The following LINGO1 variants were observed in gnomAD, a reference collection of about 807,000 sequenced individuals.
LINGO1 encodes the protein leucine rich repeat and Ig domain containing 1, also known as leucine-rich repeat and immunoglobulin-like domain-containing nogo receptor-interacting protein 1.
LINGO1 carries 11 observed loss-of-function variants against 37.3 expected under a neutral mutation model. The observed-to-expected ratio is 0.29, with a 90% CI of 0.19 to 0.49. The LOEUF (loss-of-function observed/expected upper bound fraction) is 0.49, where lower values mean the gene tolerates loss of function less well. Among genes scored for constraint, LINGO1 ranks in the 20% least tolerant of loss-of-function variants. LINGO1 has a pLI of 0.99. For missense variants in LINGO1, 585 were observed against 878.2 expected (o/e 0.67, Z 4.22); for synonymous variants, 387 against 403.0 (o/e 0.96, Z 0.48).
chr15:77,623,830 CTGTG>C (rs546359026), intron 1 of LINGO1, among the ~76,000 whole-genome samples: 3 of 150,114 alleles, frequency 2.0e-5, no homozygotes, highest in African/African-American at 4.9e-5. Flanking sequence ...CCCGGGGTGT[CTGTG>C]TGTGTGTGTG....
Position 77,670,984 on chromosome 15 carries a change from G to C in LINGO1, c.-13+6105C>G, listed in dbSNP as rs574680784. 4.6e-5 allele frequency among the ~76,000 whole-genome samples: 7 copies of C among 152,288 alleles called. No homozygotes were observed. The South Asian group carries it at 1.2e-3, about 27-fold the overall frequency. ...GCTCACACAGCCTTTGCTCACATAGGGCCCGCTTCCTGGAAGGCTTTCTCA... is the reference window on the plus strand; with the variant it reads ...GCTCACACAGCCTTTGCTCACATAGCGCCCGCTTCCTGGAAGGCTTTCTCA... On this transcript the variant is annotated intron_variant, in intron 3 of 3. Coordinates refer to the LINGO1 transcript ENST00000559893.
intron 2 of LINGO1, among the ~76,000 whole-genome samples, chr15:77,734,715 G>A (rs2076186550): frequency 6.6e-6 from 1 of 151,968 alleles, no homozygotes; most frequent in Admixed American, 6.6e-5. Context: ...GGCCCCAGCG[G>A]TTGCTCTCCA....
chr15:77,646,329 G>A (rs1359832525), intron 3 of LINGO1: 1 of 381,830 alleles, frequency 2.6e-6, no homozygotes, highest in South Asian at 2.0e-5. Flanking sequence ...CTACATGGAG[G>A]CGCCTCCCCA....
chr15:77,664,014 G>A (rs758364135), intron 3 of LINGO1, among the ~76,000 whole-genome samples: 6 of 152,132 alleles, frequency 3.9e-5, no homozygotes, highest in East Asian at 1.9e-4. Context: ...TTCGGACCTC[G>A]GCTGAGCGTG....
intron 2 of LINGO1, among the ~76,000 whole-genome samples, chr15:77,732,488 T>G (rs1276252964): frequency 1.3e-5 from 2 of 152,196 alleles, no homozygotes; most frequent in Non-Finnish European, 2.9e-5. Flanking sequence ...GCTGGTAAAC[T>G]CTGGTGGTGA....
intron 1 of LINGO1, among the ~76,000 whole-genome samples, chr15:77,784,358 G>C (rs1021115843): frequency 6.6e-6 from 1 of 152,254 alleles, no homozygotes; most frequent in Non-Finnish European, 1.5e-5. Flanking sequence ...AGGTTGGAAG[G>C]TTGTCACTGA....
At chr15:77,752,459 C>T (rs1335475871) in intron 1 of LINGO1, among the ~76,000 whole-genome samples, 1 of 152,216 alleles carries the variant, frequency 6.6e-6, no homozygotes, top group African/African-American at 2.4e-5. Flanking sequence ...AATCGATGGG[C>T]AGCAAGAGGC....
At chr15:77,788,489 C>G (rs1020742316), upstream of LINGO1, 2 of 152,172 alleles carry the variant, frequency 1.3e-5, no homozygotes, top group Non-Finnish European at 2.9e-5. Flanking sequence ...GACTGAGTCC[C>G]GGGAGTCTGG....
chr15:77,763,322 G>A (rs1471661388), intron 1 of LINGO1, among the ~76,000 whole-genome samples: 8 of 152,166 alleles, frequency 5.3e-5, no homozygotes, highest in Non-Finnish European at 1.2e-4. Flanking sequence ...TGGAGAGGAG[G>A]AGGGACAGGG....
upstream of LINGO1, among the ~76,000 whole-genome samples, chr15:77,638,524 CAG>C (rs887558854): frequency 6.6e-5 from 10 of 152,348 alleles, no homozygotes; most frequent in Admixed American, 2.0e-4. Flanking sequence ...TGGATCATGT[CAG>C]GGGGAATTTG....
At chr15:77,819,071 AGCACGCCCCCTCCCAGCCCCAAGCGT>A (rs1369838857) in intron 1 of LINGO1, among the ~76,000 whole-genome samples, 10 of 150,592 alleles carry the variant, frequency 6.6e-5, no homozygotes, top group Admixed American at 1.3e-4. Context: ...TGGGCTGCCG[AGCACGCCCCCTCCCAGCCCCAAGCGT>A]GCACGCCCCC....
At chr15:77,795,777 C>T (rs1352039915) in intron 2 of LINGO1, among the ~76,000 whole-genome samples, 1 of 152,264 alleles carries the variant, frequency 6.6e-6, no homozygotes, top group Non-Finnish European at 1.5e-5. Flanking sequence ...AGCCCTGCTT[C>T]AGCCAGGTCT....
Position 77,613,922 on chromosome 15 carries a change from G to T in LINGO1, c.*122C>A. The T allele has an allele frequency of 1.2e-6, 1 of 828,594 alleles. No homozygotes were observed. The highest frequency in any genetic ancestry group is 1.8e-5 in the South Asian group (1 of 55,738). The allele number at this position is 828,594 out of a possible 1,614,324, so 51.3% of individuals were successfully genotyped here. A position where few individuals can be genotyped will look rare whatever the true frequency, so the allele number is the denominator to read the frequency against. On this transcript the variant is annotated 3_prime_UTR_variant, in exon 2 of 2. Transcript: ENST00000355300. ...GGGCAGCAGGGGACGGAGGCGGGAGGGAGAAAGAGAACGTGTGTAGAAGGG... is the reference window on the plus strand; with the variant it reads ...GGGCAGCAGGGGACGGAGGCGGGAGTGAGAAAGAGAACGTGTGTAGAAGGG...
intron 1 of LINGO1, among the ~76,000 whole-genome samples, chr15:77,749,104 C>T (rs1264151953): frequency 1.3e-5 from 2 of 151,636 alleles, no homozygotes; most frequent in Non-Finnish European, 2.9e-5. Flanking sequence ...GACGGGGTTT[C>T]GTCATGTTGG....
At chr15:77,644,212 G>A (rs531066506) in intron 3 of LINGO1, among the ~76,000 whole-genome samples, 2 of 152,314 alleles carry the variant, frequency 1.3e-5, no homozygotes, top group African/African-American at 2.4e-5. Context: ...TGTCTCTGTC[G>A]TGTGTGTCAG....
intron 3 of LINGO1, among the ~76,000 whole-genome samples, chr15:77,673,719 A>G (rs2075286410): frequency 6.6e-6 from 1 of 152,110 alleles, no homozygotes; most frequent in South Asian, 2.1e-4. Flanking sequence ...CTTTATGCTG[A>G]TAGCCCCAAA....
chr15:77,643,814 CT>C, intron 3 of LINGO1, among the ~76,000 whole-genome samples: 1 of 152,352 alleles, frequency 6.6e-6, no homozygotes, highest in East Asian at 1.9e-4. Context: ...TCATTCCCAC[CT>C]CTTCCTGCTC....
At chr15:77,753,823 T>C (rs894379199) in intron 1 of LINGO1, among the ~76,000 whole-genome samples, 8 of 152,320 alleles carry the variant, frequency 5.3e-5, no homozygotes, top group East Asian at 3.9e-4. Context: ...GGCGTGAAGT[T>C]TGCAACACAG....
At chr15:77,686,925 T>C (rs2075521008) in intron 2 of LINGO1, among the ~76,000 whole-genome samples, 2 of 152,190 alleles carry the variant, frequency 1.3e-5, no homozygotes, top group Non-Finnish European at 2.9e-5. Context: ...CTCTAGGCAA[T>C]CCCAGAAACT....
Sources: gnomAD v4.1 joint callset for allele counts (sites outside exome capture counted in the v4.1 genomes callset) on GRCh38, gnomAD v4.1.1 for gene constraint, MANE v1.5 for transcripts, NCBI Gene and HGNC (gene_info 2026-07-23, HGNC 2026-07-21) for gene names.